Variants in TBC1D2B observed in about 807,000 individuals in gnomAD.
The protein encoded by TBC1D2B is TBC1 domain family member 2B, also known as TBC1 domain family, member 2B.
TBC1D2B carries 64 observed loss-of-function variants against 100.8 expected under a neutral mutation model. The observed-to-expected ratio is 0.64, with a 90% CI of 0.52 to 0.78. The LOEUF (loss-of-function observed/expected upper bound fraction) is 0.78. Ranked by LOEUF, TBC1D2B falls within the 30% of genes least tolerant of loss-of-function variation. The pLI, the probability that TBC1D2B is intolerant of heterozygous loss-of-function variation, is 0.00. For missense variants in TBC1D2B, 1,052 were observed against 1,218.4 expected (o/e 0.86, Z 2.03); for synonymous variants, 480 against 479.7 (o/e 1.00, Z -0.01).
chr15:78,004,377 G>A (rs1270752046), intron 10 of TBC1D2B, among the ~76,000 whole-genome samples: 4 of 152,176 alleles, frequency 2.6e-5, no homozygotes, highest in Admixed American at 6.5e-5. Context: ...AGGAGAAACC[G>A]CTCCTACAGC....
chr15:78,062,296 CA>C (rs1334782906), intron 1 of TBC1D2B, among the ~76,000 whole-genome samples: 1 of 152,148 alleles, frequency 6.6e-6, no homozygotes, highest in Non-Finnish European at 1.5e-5. Flanking sequence ...TAAAACACTA[CA>C]AATAAATTAA....
In TBC1D2B at chr15:78,016,558, G is replaced by A; in HGVS notation, c.1763C>T (p.Pro588Leu). The A allele has an allele frequency of 6.2e-7, 1 of 1,612,420 alleles. No individual in the cohort carries two copies. Among genetic ancestry groups the A allele is most frequent in the Non-Finnish European group, 8.5e-7 (1 of 1,179,582 alleles). Reference sequence around the variant, plus strand: ...CTAGCACATTTACCTGACAAGATGAGGTTTAACAAATGCTTGCTCCGGCTG... The same window carrying A: ...CTAGCACATTTACCTGACAAGATGAAGTTTAACAAATGCTTGCTCCGGCTG... ...QEQPEQAFVK[P>L]HLVSEYDIYG... Residue 588 changes from proline to leucine, a missense_variant, in exon 8 of 13, where the codon CCT becomes CTT. Transcript: ENST00000300584.
At position 78,055,906 on chromosome 15, in the gene TBC1D2B, C is replaced by T. The variant is rs543221691; in HGVS notation, c.361-1719G>A. The stretch of plus-strand genomic sequence containing the variant: ...ATGACAGAAAGCAGAGCAGGCGACG[C>T]GGGGCTGGCGTGACTGGAGAGCACT... On this transcript the variant is annotated intron_variant, in intron 1 of 12. Transcript: ENST00000300584. 1.9e-4 allele frequency among the ~76,000 whole-genome samples: 29 copies of T among 152,226 alleles called. No homozygotes were observed. The South Asian group carries it at 5.0e-3, about 26-fold the overall frequency.
intron 10 of TBC1D2B, among the ~76,000 whole-genome samples, chr15:78,005,500 T>C (rs982911543): frequency 6.6e-6 from 1 of 152,190 alleles, no homozygotes; most frequent in African/African-American, 2.4e-5. Context: ...AGAGCCACCT[T>C]ACGCAATGGC....
chr15:78,049,097 G>A (rs913619224), intron 2 of TBC1D2B, among the ~76,000 whole-genome samples: 4 of 152,180 alleles, frequency 2.6e-5, no homozygotes, highest in African/African-American at 4.8e-5. Flanking sequence ...AGATTGTGAA[G>A]GACCCAGTCA....
chr15:78,036,575 G>C lies in TBC1D2B; in HGVS notation c.684-6405C>G, dbSNP rs566630201. Among the ~76,000 whole-genome samples, 6 of 152,268 alleles carry C rather than the reference G, an allele frequency of 3.9e-5. No homozygotes were observed. The East Asian group carries it at 7.7e-4, about 20-fold the overall frequency. ...TAGAGCAAGGCAGCCACAGGCCAAG[G>C]AATACCAGCAGCCACCAGAAGCTGA... On this transcript the variant is annotated intron_variant, in intron 3 of 12. Coordinates refer to ENST00000300584, the MANE Select transcript of TBC1D2B (RefSeq NM_144572.2).
chr15:78,071,779 A>C (rs953259770), intron 1 of TBC1D2B, among the ~76,000 whole-genome samples: 3 of 152,196 alleles, frequency 2.0e-5, no homozygotes. Context: ...TCATTCATGC[A>C]ACAAATGTCT....
At chr15:78,021,426 A>G (rs1567018862) in intron 6 of TBC1D2B, among the ~76,000 whole-genome samples, 1 of 152,224 alleles carries the variant, frequency 6.6e-6, no homozygotes, top group African/African-American at 2.4e-5. Context: ...CTGAAGGGCT[A>G]TGAGGGAACA....
At position 78,029,987 on chromosome 15, in the gene TBC1D2B, A is replaced by T. The variant is rs2072767958; in HGVS notation, c.847+20T>A. ...GATGGCAGTACAGAGAATGACAGAC[A>T]ACAGGAAGTACATTGATACCTTTGT... On this transcript the variant is annotated intron_variant, in intron 4 of 12. Transcript: ENST00000300584. The T allele has an allele frequency of 6.3e-7, 1 of 1,593,290 alleles. No individual in the cohort carries two copies. The highest frequency in any genetic ancestry group is 1.8e-5 in the Admixed American group (1 of 56,712).
At chr15:78,030,269 T>C in intron 3 of TBC1D2B, 99 bp from the exon 4 acceptor site, 1 of 1,013,802 alleles carries the variant, frequency 9.9e-7, no homozygotes, top group Non-Finnish European at 1.4e-6. Context: ...TATCTAATGA[T>C]ACCAAATGTT....
intron 3 of TBC1D2B, among the ~76,000 whole-genome samples, chr15:78,043,730 C>T (rs1206836241): frequency 6.6e-6 from 1 of 152,070 alleles, no homozygotes; most frequent in African/African-American, 2.4e-5. Context: ...ATGAAATGTC[C>T]ACAATAAACA....
chr15:78,046,991 A>C (rs2073209609), intron 2 of TBC1D2B, among the ~76,000 whole-genome samples: 1 of 152,150 alleles, frequency 6.6e-6, no homozygotes, highest in Non-Finnish European at 1.5e-5. Context: ...TCAAGAACAC[A>C]CTGGGGAAGT....
At chr15:78,009,974 CAA>C (rs59641885) in intron 9 of TBC1D2B, among the ~76,000 whole-genome samples, 7,672 of 95,874 alleles carry the variant, frequency 0.08, 212 homozygotes, top group East Asian at 0.29. Flanking sequence ...GACTCCGTCT[CAA>C]AAAAAAAAAA....
At chr15:78,049,115 T>A (rs765133148) in intron 2 of TBC1D2B, among the ~76,000 whole-genome samples, 3 of 152,120 alleles carry the variant, frequency 2.0e-5, no homozygotes, top group Non-Finnish European at 4.4e-5. Flanking sequence ...TCAGGAGGAA[T>A]AGAAATATCT....
At chr15:78,049,614 C>T (rs1346211207) in intron 2 of TBC1D2B, among the ~76,000 whole-genome samples, 3 of 152,102 alleles carry the variant, frequency 2.0e-5, no homozygotes, top group South Asian at 4.2e-4. Context: ...TCAGCCACCA[C>T]CCCACCCCCA....
At position 77,997,001 on chromosome 15, in the gene TBC1D2B, C is replaced by T. The variant is rs536240137; in HGVS notation, c.*1159G>A. 3 of 152,068 alleles carry T rather than the reference C, an allele frequency of 2.0e-5. No homozygotes were observed. The East Asian group carries it at 5.8e-4, about 29-fold the overall frequency. 9.4% of individuals were successfully genotyped at this position (152,068 alleles called of 1,614,324 possible). ...CTGCTGTGTCAGAGGCAACAGTGCCCCTGCATCCTGGCAGAGAACAAGGAT... is the reference window on the plus strand; with the variant it reads ...CTGCTGTGTCAGAGGCAACAGTGCCTCTGCATCCTGGCAGAGAACAAGGAT... On this transcript the variant is annotated 3_prime_UTR_variant, in exon 13 of 13. Coordinates refer to ENST00000300584, the MANE Select transcript of TBC1D2B (RefSeq NM_144572.2).
chr15:78,049,500 C>A (rs939093030), intron 2 of TBC1D2B, among the ~76,000 whole-genome samples: 2 of 152,124 alleles, frequency 1.3e-5, no homozygotes. Flanking sequence ...TCTCTCCTGC[C>A]ACCTTGCCTC....
At chr15:78,016,004 G>A (rs774396243) in intron 8 of TBC1D2B, among the ~76,000 whole-genome samples, 5 of 152,190 alleles carry the variant, frequency 3.3e-5, no homozygotes, top group Non-Finnish European at 7.4e-5. Flanking sequence ...GTCCTGAGTC[G>A]TGGAAACAAG....
At chr15:78,044,873 T>A in intron 3 of TBC1D2B, 27 bp downstream of exon 3, 1 of 1,562,362 alleles carries the variant, frequency 6.4e-7, no homozygotes, top group Non-Finnish European at 8.7e-7. Context: ...CATTTTCAAT[T>A]TCATATGCTG....
Sources: allele counts gnomAD v4.1 joint callset (sites outside exome capture counted in the v4.1 genomes callset), GRCh38; gene constraint gnomAD v4.1.1; transcripts MANE v1.5; gene names NCBI Gene and HGNC (gene_info 2026-07-23, HGNC 2026-07-21).